GLIS3: variants seen among roughly 807,000 people sequenced by gnomAD.
GLIS3 encodes the protein GLIS family zinc finger 3, also known as zinc finger protein GLIS3.
Under a neutral mutation model 78.6 loss-of-function variants are expected in GLIS3, and 53 were observed. That is an observed-to-expected ratio of 0.67 (90% CI 0.54 to 0.85). The LOEUF (loss-of-function observed/expected upper bound fraction) is 0.85. GLIS3 is among the 40% of genes least tolerant of loss of function. The probability of loss-of-function intolerance (pLI) is 0.00; values close to 1 mark genes in which losing one functional copy is unlikely to be tolerated. For missense variants in GLIS3, 1,703 were observed against 1,231.1 expected (o/e 1.38, Z -5.74); for synonymous variants, 684 against 509.9 (o/e 1.34, Z -4.60).
intron 2 of GLIS3, among the ~76,000 whole-genome samples, chr9:4,257,030 T>A (rs112021705): frequency 6.6e-6 from 1 of 152,212 alleles, no homozygotes; most frequent in Admixed American, 6.5e-5. Context: ...TGTGTTAATA[T>A]TAATGTACAT....
chr9:3,848,913 G>A (rs921239330), intron 9 of GLIS3, among the ~76,000 whole-genome samples: 4 of 152,350 alleles, frequency 2.6e-5, no homozygotes, highest in Admixed American at 2.0e-4. Flanking sequence ...GCCTGCTTTA[G>A]GAAGCCTGCA....
chr9:3,981,198 T>G (rs887574376), intron 4 of GLIS3, among the ~76,000 whole-genome samples: 9 of 152,214 alleles, frequency 5.9e-5, no homozygotes, highest in African/African-American at 2.2e-4. Flanking sequence ...GGGACATTTT[T>G]AAAATGAATT....
intron 9 of GLIS3, among the ~76,000 whole-genome samples, chr9:3,850,571 C>T (rs550153486): frequency 2.0e-5 from 3 of 152,302 alleles, no homozygotes; most frequent in African/African-American, 4.8e-5. Flanking sequence ...CCAACATAAT[C>T]CCAACAGTTA....
At chr9:3,838,499 C>A (rs1454232275) in intron 9 of GLIS3, among the ~76,000 whole-genome samples, 10 of 152,098 alleles carry the variant, frequency 6.6e-5, no homozygotes, top group African/African-American at 2.4e-4. Flanking sequence ...ATTCTGCTTC[C>A]TGGTGAATGG....
intron 2 of GLIS3, among the ~76,000 whole-genome samples, chr9:4,171,252 G>C (rs549024862): frequency 1.3e-5 from 2 of 152,096 alleles, no homozygotes; most frequent in Non-Finnish European, 2.9e-5. Flanking sequence ...AAGATAAAAG[G>C]TTCTATTTAT....
At position 3,891,317 on chromosome 9, in the gene GLIS3, G is replaced by A. The variant is rs544095760; in HGVS notation, c.2128+7374C>T. ...AGGAAAATTCGGGTTACAGGAAGAA[G>A]TGTCATTTCCATTTATAAATGTTAC... On this transcript the variant is annotated intron_variant, in intron 7 of 10. Coordinates refer to ENST00000381971, the MANE Select transcript of GLIS3 (RefSeq NM_001042413.2). 2.8e-3 allele frequency among the ~76,000 whole-genome samples: 432 copies of A among 152,296 alleles called. 3 individuals are homozygous for A. Among genetic ancestry groups the A allele is most frequent in the Middle Eastern group, 6.8e-3 (2 of 294 alleles).
At chr9:4,019,007 C>T (rs1027116029) in intron 4 of GLIS3, among the ~76,000 whole-genome samples, 5 of 152,164 alleles carry the variant, frequency 3.3e-5, no homozygotes, top group Admixed American at 6.5e-5. Context: ...AGTCACTTCA[C>T]GCAGGGCTGG....
At chr9:4,379,731 T>C in the GLIS3 span, among the ~76,000 whole-genome samples, 3 of 152,362 alleles carry the variant, frequency 2.0e-5, no homozygotes, top group East Asian at 3.9e-4. Flanking sequence ...AACATATTCA[T>C]TCGCAGTGTC....
intron 8 of GLIS3, among the ~76,000 whole-genome samples, chr9:3,861,831 C>T (rs966479576): frequency 7.2e-5 from 11 of 152,072 alleles, no homozygotes; most frequent in Admixed American, 3.3e-4. Flanking sequence ...CTAATGCATG[C>T]GGGGCTTAAT....
chr9:4,045,237 T>G (rs1825145529), intron 4 of GLIS3, among the ~76,000 whole-genome samples: 1 of 152,186 alleles, frequency 6.6e-6, no homozygotes, highest in African/African-American at 2.4e-5. Context: ...GACGGTCCCC[T>G]TGCAAATGAA....
intron 4 of GLIS3, among the ~76,000 whole-genome samples, chr9:4,019,552 TG>T (rs1353994454): frequency 6.6e-6 from 1 of 151,810 alleles, no homozygotes; most frequent in Non-Finnish European, 1.5e-5. Flanking sequence ...GAGAGGGCAG[TG>T]GAGAGGAAAG....
intron 2 of GLIS3, among the ~76,000 whole-genome samples, chr9:4,155,240 T>G (rs968106845): frequency 1.3e-5 from 2 of 152,120 alleles, no homozygotes; most frequent in Non-Finnish European, 2.9e-5. Context: ...ACTAAAAAGG[T>G]CACGTTACTG....
chr9:4,202,023 C>A (rs959562503), intron 2 of GLIS3, among the ~76,000 whole-genome samples: 9 of 152,050 alleles, frequency 5.9e-5, no homozygotes, highest in African/African-American at 2.2e-4. Context: ...CCTGTAATCC[C>A]AGCTATAGGG....
intron 2 of GLIS3, among the ~76,000 whole-genome samples, chr9:4,343,255 T>C (rs147837348): frequency 0.014 from 2,087 of 152,234 alleles, 56 homozygotes; most frequent in African/African-American, 0.048. Context: ...GGTGGGAAGA[T>C]TGCTTGAGCC....
At chr9:3,848,112 C>T (rs1819172444) in intron 9 of GLIS3, among the ~76,000 whole-genome samples, 1 of 152,188 alleles carries the variant, frequency 6.6e-6, no homozygotes. Context: ...AATACAATTT[C>T]TTGACTTACT....
At chr9:4,353,391 AG>A (rs1426052538), upstream of GLIS3, among the ~76,000 whole-genome samples, 1 of 152,106 alleles carries the variant, frequency 6.6e-6, no homozygotes, top group Non-Finnish European at 1.5e-5. Context: ...AACTATGAGA[AG>A]GAGGTGTGGG....
chr9:4,320,166 G>A (rs1318421970), intron 2 of GLIS3, among the ~76,000 whole-genome samples: 1 of 152,146 alleles, frequency 6.6e-6, no homozygotes, highest in South Asian at 2.1e-4. Flanking sequence ...CTTTTGACAT[G>A]TCATGTTTTT....
the GLIS3 span, among the ~76,000 whole-genome samples, chr9:4,484,330 C>G: frequency 6.6e-6 from 1 of 150,538 alleles, no homozygotes; most frequent in South Asian, 2.1e-4. Context: ...CTCTGCCTCC[C>G]AAGTTCAAGC....
Position 3,937,019 on chromosome 9 carries a change from C to T in GLIS3, c.1872+9G>A, listed in dbSNP as rs1343957551. 2 of 1,612,360 alleles carry T rather than the reference C, an allele frequency of 1.2e-6. No homozygotes were observed. Among genetic ancestry groups the T allele is most frequent in the East Asian group, 2.2e-5 (1 of 44,868 alleles). On this transcript the variant is annotated intron_variant, in intron 5 of 10. Transcript: ENST00000381971. Reference sequence around the variant, plus strand: ...GGGTTGGAAACTGGAAAGCTCCTGCCATTCTTACGGTGTCCAGATGCGTCC... The same window carrying T: ...GGGTTGGAAACTGGAAAGCTCCTGCTATTCTTACGGTGTCCAGATGCGTCC...
Sources: gnomAD v4.1 joint callset for allele counts (sites outside exome capture counted in the v4.1 genomes callset) on GRCh38, gnomAD v4.1.1 for gene constraint, MANE v1.5 for transcripts, NCBI Gene and HGNC (gene_info 2026-07-23, HGNC 2026-07-21) for gene names.